UFD1: variants seen among roughly 807,000 people sequenced by gnomAD.
UFD1 encodes ubiquitin recognition factor in ER associated degradation 1.
Under a neutral mutation model 45.9 loss-of-function variants are expected in UFD1, and 13 were observed. The ratio of observed to expected loss-of-function variants is 0.28; its 90% CI spans 0.18 to 0.45. The LOEUF is 0.45. UFD1 is among the 20% of genes least tolerant of loss of function. The pLI, the probability that UFD1 is intolerant of heterozygous loss-of-function variation, is 1.00. For missense variants in UFD1, 218 were observed against 389.2 expected, an observed-to-expected ratio of 0.56 and a Z score of 3.70; for synonymous variants, 128 against 139.2, an observed-to-expected ratio of 0.92 and a Z score of 0.56.
chr22:19,464,529 G>C (rs1370562567), intron 6 of UFD1, among the ~76,000 whole-genome samples: 2 of 152,240 alleles, frequency 1.3e-5, no homozygotes, highest in African/African-American at 4.8e-5. Context: ...TTTGGACTAA[G>C]TCCTGTCATT....
At chr22:19,465,301 A>G in intron 5 of UFD1, 27 bp from the exon 6 acceptor site, 5 of 1,596,326 alleles carry the variant, frequency 3.1e-6, no homozygotes, top group Non-Finnish European at 4.3e-6. Context: ...TCAAGGCAAC[A>G]TGGCAAGATG....
intron 1 of UFD1, 88 bp downstream of exon 1, chr22:19,478,995 C>A: frequency 6.7e-7 from 1 of 1,500,588 alleles, no homozygotes; most frequent in Non-Finnish European, 8.9e-7. Flanking sequence ...GCACCTCCGC[C>A]GCCGTCCCGC....
chr22:19,450,774 G>A, intron 11 of UFD1, 30 bp from the exon 12 acceptor site: 1 of 1,613,888 alleles, frequency 6.2e-7, no homozygotes, highest in South Asian at 1.1e-5. Context: ...ACTATTTTCA[G>A]AAACTCCCTG....
chr22:19,474,661 A>T (rs1417268189), intron 3 of UFD1, among the ~76,000 whole-genome samples: 5 of 152,098 alleles, frequency 3.3e-5, no homozygotes, highest in Non-Finnish European at 5.9e-5. Context: ...GAGCTGACCA[A>T]TTCTTCCTTT....
chr22:19,465,465 GAAATGCCAAGCTGGGGTAAC>G (rs1400887072), intron 5 of UFD1, 191 bp from the exon 6 acceptor site: 57 of 534,194 alleles, frequency 1.1e-4, no homozygotes, highest in Non-Finnish European at 9.7e-5. Context: ...TAATATGGAT[GAAATGCCAAGCTGGGGTAAC>G]AAATGCCAAG....
At chr22:19,478,084 G>C (rs765262150) in intron 1 of UFD1, among the ~76,000 whole-genome samples, 23 of 152,132 alleles carry the variant, frequency 1.5e-4, no homozygotes, top group Non-Finnish European at 2.6e-4. Context: ...AATATAAAAG[G>C]TAAATCCGCA....
chr22:19,467,158 C>G (rs910842547), intron 5 of UFD1: 1 of 150,442 alleles, frequency 6.6e-6, no homozygotes, highest in Non-Finnish European at 1.5e-5. Context: ...TGTTGTTTGA[C>G]TGTTTGTTTT....
At position 19,451,971 on chromosome 22, in the gene UFD1, T is replaced by C. The variant is rs112076740; in HGVS notation, c.850-1227A>G. 34 of 983,006 alleles carry C rather than the reference T, an allele frequency of 3.5e-5. No homozygotes were observed. The African/African-American group carries it at 4.9e-4, about 14-fold the overall frequency. 60.9% of individuals were successfully genotyped at this position (983,006 alleles called of 1,614,324 possible). A position where few individuals can be genotyped will look rare whatever the true frequency, so the allele number is the denominator to read the frequency against. ...TTCTTATTTCTACCTTATTCCTTCA[T>C]TTTAGTGAGGAACACCTCCTAGGAG... On this transcript the variant is annotated intron_variant, in intron 11 of 11. Transcript: ENST00000263202.
intron 6 of UFD1, among the ~76,000 whole-genome samples, chr22:19,458,650 C>T (rs1386235972): frequency 6.6e-6 from 1 of 152,122 alleles, no homozygotes; most frequent in African/African-American, 2.4e-5. Flanking sequence ...ACCATGTTGG[C>T]CAGGCTGGTC....
At position 19,456,613 on chromosome 22, in the gene UFD1, C is replaced by G. The variant is rs1419550903; in HGVS notation, c.652G>C (p.Gly218Arg). 1 of 1,614,178 alleles carries G rather than the reference C, an allele frequency of 6.2e-7. No homozygotes were observed. Among genetic ancestry groups the G allele is most frequent in the Non-Finnish European group, 8.5e-7 (1 of 1,180,034 alleles). The change falls in exon 9 of 12, where the codon GGC becomes CGC. Residue 218 changes from glycine to arginine, a missense_variant. Physicochemically the swap from Gly to Arg is moderately radical, Grantham distance 125. Coordinates refer to ENST00000263202, the MANE Select transcript of UFD1 (RefSeq NM_005659.7). ...CGGAAGCCCAGCTCTCCAGCATAGC[C>G]ACTGTGGTCGGCTTCACCTTCCTGA... is the stretch of plus-strand genomic sequence containing the variant. The part of the protein sequence containing the change: ...ESTEGEADHS[G>R]YAGELGFRAF...
intron 4 of UFD1, 138 bp from the exon 5 acceptor site, chr22:19,468,141 A>T: frequency 8.2e-7 from 1 of 1,217,348 alleles, no homozygotes; most frequent in Non-Finnish European, 1.1e-6. Context: ...AATTCGTGAT[A>T]CTATGTCAGG....
At chr22:19,469,937 G>A (rs1334932277) in intron 4 of UFD1, 2 of 518,442 alleles carry the variant, frequency 3.9e-6, no homozygotes, top group Non-Finnish European at 7.7e-6. Context: ...AAGTCTATGG[G>A]TTAAAGGAGA....
At chr22:19,467,241 C>T (rs144102115) in intron 5 of UFD1, 70 of 151,522 alleles carry the variant, frequency 4.6e-4, no homozygotes, top group Admixed American at 1.2e-3. Flanking sequence ...ATGCCATGAT[C>T]GTAACAGGAA....
chr22:19,455,876 C>T (rs2089719252), intron 9 of UFD1, 108 bp from the exon 10 acceptor site: 4 of 990,614 alleles, frequency 4.0e-6, no homozygotes, highest in Admixed American at 2.0e-5. Context: ...GTGCAGACCC[C>T]TTCAGGACTG....
chr22:19,471,404 C>T (rs188299863), intron 4 of UFD1: 11 of 684,250 alleles, frequency 1.6e-5, no homozygotes, highest in Middle Eastern at 2.5e-4. Flanking sequence ...TTTTTAAAAA[C>T]GCCTCACCCA....
intron 11 of UFD1, chr22:19,453,444 G>T: frequency 1.0e-6 from 1 of 985,474 alleles, no homozygotes; most frequent in South Asian, 4.7e-5. Context: ...AAACAGGCCT[G>T]CTGTGCCCAC....
At chr22:19,461,566 T>C (rs897428046) in intron 6 of UFD1, among the ~76,000 whole-genome samples, 5 of 152,274 alleles carry the variant, frequency 3.3e-5, no homozygotes, top group African/African-American at 1.2e-4. Context: ...TATGTATCTG[T>C]ATCAAGTGAC....
intron 4 of UFD1, chr22:19,470,858 C>T (rs2089839642): frequency 6.6e-6 from 3 of 456,242 alleles, no homozygotes; most frequent in South Asian, 1.5e-5. Context: ...TTCAGACCAC[C>T]TCCCTGGTGG....
At chr22:19,472,256 C>T (rs1034690990) in intron 3 of UFD1, among the ~76,000 whole-genome samples, 3 of 152,082 alleles carry the variant, frequency 2.0e-5, no homozygotes, top group African/African-American at 4.8e-5. Flanking sequence ...GGGCACTGGG[C>T]GGGCAGACCT....
Sources: gnomAD v4.1 joint callset for allele counts (sites outside exome capture counted in the v4.1 genomes callset) on GRCh38, gnomAD v4.1.1 for gene constraint, MANE v1.5 for transcripts, NCBI Gene and HGNC (gene_info 2026-07-23, HGNC 2026-07-21) for gene names.